Variants in BARD1 observed in about 807,000 individuals in gnomAD.
BARD1 encodes the protein BRCA1-associated RING domain protein 1.
BARD1 carries 73 observed loss-of-function variants against 77.0 expected under a neutral mutation model. The observed-to-expected ratio is 0.95, with a 90% CI of 0.79 to 1.15. The LOEUF is 1.15. Among genes scored for constraint, BARD1 ranks in the 50% most tolerant of loss-of-function variants. The pLI is 0.00. For missense variants in BARD1, 993 were observed against 938.8 expected (o/e 1.06, Z -0.75); for synonymous variants, 384 against 338.0 (o/e 1.14, Z -1.49).
At chr2:214,796,987 A>G in intron 2 of BARD1, 74 bp downstream of exon 2, 1 of 1,156,216 alleles carries the variant, frequency 8.6e-7, no homozygotes, top group Non-Finnish European at 1.3e-6. Context: ...TACCATTATT[A>G]TCAACAAGAT....
chr2:214,759,807 A>G (rs1037419403), intron 6 of BARD1, among the ~76,000 whole-genome samples: 1 of 152,202 alleles, frequency 6.6e-6, no homozygotes, highest in African/African-American at 2.4e-5. Context: ...TGAACTATAA[A>G]AGCTCATTTA....
At chr2:214,792,974 G>GT (rs1241181411) in intron 2 of BARD1, among the ~76,000 whole-genome samples, 3 of 152,098 alleles carry the variant, frequency 2.0e-5, no homozygotes, top group Non-Finnish European at 4.4e-5. Context: ...AGTTAGAAGA[G>GT]TTTTTCTAAT....
chr2:214,785,968 C>A (rs1031470079), intron 3 of BARD1, among the ~76,000 whole-genome samples: 3 of 151,576 alleles, frequency 2.0e-5, no homozygotes, highest in African/African-American at 7.3e-5. Context: ...AAGAAACTAC[C>A]CAAATTTTGT....
At chr2:214,803,453 G>A (rs1696121907) in intron 1 of BARD1, among the ~76,000 whole-genome samples, 1 of 152,218 alleles carries the variant, frequency 6.6e-6, no homozygotes, top group Non-Finnish European at 1.5e-5. Context: ...CTGAGATAGG[G>A]AAAAACCGCC....
At chr2:214,784,282 C>T (rs568119117) in intron 3 of BARD1, among the ~76,000 whole-genome samples, 2 of 152,146 alleles carry the variant, frequency 1.3e-5, no homozygotes, top group East Asian at 3.9e-4. Flanking sequence ...GAAAAAAAAG[C>T]TCATCATCAT....
chr2:214,780,615 A>G lies in BARD1; in HGVS notation c.1259T>C (p.Met420Thr), dbSNP rs786203217. 5.0e-6 allele frequency: 8 copies of G among 1,614,098 alleles called. No homozygotes were observed. The highest frequency in any genetic ancestry group is 3.3e-4 in the Middle Eastern group (2 of 6,062). The change falls in exon 4 of 11, where the codon ATG becomes ACG. Residue 420 changes from methionine to threonine, a missense_variant. Met to Thr is a moderately conservative substitution (Grantham distance 81, BLOSUM62 -1). Coordinates refer to ENST00000260947, the MANE Select transcript of BARD1 (RefSeq NM_000465.4). ...TCCTCTATGATTTCTTTTCACAGCCATATTGGGCAACAGCTTCATTGCTGA... is the reference window on the plus strand; with the variant it reads ...TCCTCTATGATTTCTTTTCACAGCCGTATTGGGCAACAGCTTCATTGCTGA... The part of the protein sequence containing the change: ...SPSAMKLLPN[M>T]AVKRNHRGET...
At chr2:214,805,779 T>A (rs1038736226) in intron 1 of BARD1, among the ~76,000 whole-genome samples, 6 of 150,624 alleles carry the variant, frequency 4.0e-5, no homozygotes, top group Non-Finnish European at 7.4e-5. Context: ...AAAAAAAAAA[T>A]ACCTATCATA....
chr2:214,789,850 C>A (rs144853898), intron 3 of BARD1, among the ~76,000 whole-genome samples: 1 of 151,914 alleles, frequency 6.6e-6, no homozygotes, highest in Non-Finnish European at 1.5e-5. Flanking sequence ...ACGTTGAGGG[C>A]GCAGTGCTTA....
chr2:214,728,815 A>C lies in BARD1; in HGVS notation c.2195T>G (p.Phe732Cys), dbSNP rs760201905. 6.2e-7 allele frequency: 1 copy of C among 1,614,228 alleles called. No homozygotes were observed. The highest frequency in any genetic ancestry group is 8.5e-7 in the Non-Finnish European group (1 of 1,180,032). ...YHARPDSDQRFCTQYIIYEDL... is the reference protein window; with the variant it reads ...YHARPDSDQRCCTQYIIYEDL... ...TTCATAGATGATATACTGTGTGCAG[A>C]AGCGCTGATCAGAATCGGGTCTCGC... The change falls in exon 11 of 11, where the codon TTC (phenylalanine) becomes TGC (cysteine). Residue 732 changes from phenylalanine (F) to cysteine (C), a missense_variant. Transcript: ENST00000260947.
At chr2:214,779,457 T>C (rs993389878) in intron 4 of BARD1, among the ~76,000 whole-genome samples, 2 of 152,232 alleles carry the variant, frequency 1.3e-5, no homozygotes, top group African/African-American at 4.8e-5. Context: ...TCGCAGTTGG[T>C]TGAACCCATA....
rs554990315 is a variant in BARD1, at chr2:214,727,745, T to TA, written c.*930dup. 1.1e-3 allele frequency: 244 copies of TA among 226,846 alleles called. No individual in the cohort carries two copies. Among genetic ancestry groups the TA allele is most frequent in the Non-Finnish European group, 1.8e-3 (206 of 114,172 alleles). The allele number at this position is 226,846 out of a possible 1,614,324, so 14.1% of individuals were successfully genotyped here. Reference sequence around the variant, plus strand: ...TGCCTCCATGCCAACCTAAAAACTTTAAAAAAAACCTTTTCCTTTTACAAA... The same window carrying TA: ...TGCCTCCATGCCAACCTAAAAACTTTAAAAAAAAACCTTTTCCTTTTACAAA... On this transcript the variant is annotated 3_prime_UTR_variant, in exon 11 of 11. Coordinates refer to ENST00000260947, the MANE Select transcript of BARD1 (RefSeq NM_000465.4).
chr2:214,729,355 T>C (rs1404989797), intron 10 of BARD1, among the ~76,000 whole-genome samples: 5 of 152,204 alleles, frequency 3.3e-5, no homozygotes, highest in African/African-American at 7.2e-5. Context: ...AGGTGTGGAA[T>C]TTTCCACTTG....
chr2:214,740,615 T>C (rs1429775857), intron 9 of BARD1, among the ~76,000 whole-genome samples: 1 of 152,072 alleles, frequency 6.6e-6, no homozygotes, highest in African/African-American at 2.4e-5. Context: ...CATAATCTTT[T>C]AGTCTTAATA....
intron 4 of BARD1, among the ~76,000 whole-genome samples, chr2:214,776,394 T>C (rs1230731464): frequency 1.3e-5 from 2 of 152,190 alleles, no homozygotes; most frequent in Non-Finnish European, 2.9e-5. Context: ...ACAATGAGTA[T>C]CTTAGTTTCT....
chr2:214,756,016 G>A (rs779739485), intron 6 of BARD1, among the ~76,000 whole-genome samples: 7 of 152,100 alleles, frequency 4.6e-5, no homozygotes, highest in Non-Finnish European at 7.4e-5. Context: ...ACGGACAGTC[G>A]CGAATTCAGT....
rs759732945 is a variant in BARD1 at position 214,781,360 on chromosome 2, C to T, written c.514G>A (p.Asp172Asn). 2.5e-6 allele frequency: 4 copies of T among 1,613,554 alleles called. No individual in the cohort carries two copies. The highest frequency in any genetic ancestry group is 1.7e-5 in the Admixed American group (1 of 59,942). Residue 172 changes from aspartate (D) to asparagine (N), a missense_variant, in exon 4 of 11, where the codon GAT becomes AAT. Asp to Asn is a conservative substitution (Grantham distance 23). Coordinates refer to ENST00000260947, the MANE Select transcript of BARD1 (RefSeq NM_000465.4). ...TATGAGTCTTGCTGAGCACTTGCAT[C>T]TTTTTTTATTGCAGGCTGGGTTTGC... ...SVQTQPAIKK[D>N]ASAQQDSYEF...
intron 2 of BARD1, among the ~76,000 whole-genome samples, chr2:214,795,412 T>C (rs1695714629): frequency 6.6e-6 from 1 of 152,104 alleles, no homozygotes; most frequent in Non-Finnish European, 1.5e-5. Flanking sequence ...CTAGGTCCCA[T>C]ACAGGGTTTT....
chr2:214,772,903 C>T (rs557527411), intron 4 of BARD1, among the ~76,000 whole-genome samples: 3 of 152,320 alleles, frequency 2.0e-5, no homozygotes, highest in East Asian at 1.9e-4. Flanking sequence ...CTTTCAAGTA[C>T]TCACTTTTGG....
intron 7 of BARD1, among the ~76,000 whole-genome samples, chr2:214,746,743 T>C (rs1487730930): frequency 1.3e-5 from 2 of 151,870 alleles, no homozygotes; most frequent in East Asian, 3.9e-4. Flanking sequence ...CCTAAAACCA[T>C]TAAAAACCCT....
Sources: allele counts gnomAD v4.1 joint callset (sites outside exome capture counted in the v4.1 genomes callset), GRCh38; gene constraint gnomAD v4.1.1; transcripts MANE v1.5; gene names NCBI Gene and HGNC (gene_info 2026-07-23, HGNC 2026-07-21).